Variants in SPAG6 observed in about 807,000 individuals in gnomAD.
SPAG6 encodes the protein sperm associated antigen 6.
Under a neutral mutation model 58.5 loss-of-function variants are expected in SPAG6, and 49 were observed. The ratio of observed to expected loss-of-function variants is 0.84; its 90% CI spans 0.67 to 1.06. The LOEUF is 1.06. SPAG6 is among the 50% of genes least tolerant of loss of function. The probability of loss-of-function intolerance (pLI) is 0.00; values close to 1 mark genes in which losing one functional copy is unlikely to be tolerated. For missense variants in SPAG6, 560 were observed against 611.3 expected (o/e 0.92, Z 0.89); for synonymous variants, 233 against 225.6 (o/e 1.03, Z -0.29).
At chr10:22,355,444 A>G (rs997270087) in intron 2 of SPAG6, among the ~76,000 whole-genome samples, 6 of 152,186 alleles carry the variant, frequency 3.9e-5, no homozygotes, top group African/African-American at 1.2e-4. Context: ...CTCACAAACA[A>G]CTGAATCAAC....
chr10:22,411,838 A>ATTTTTTTTTT (rs1283503992), intron 10 of SPAG6, among the ~76,000 whole-genome samples: 2 of 132,712 alleles, frequency 1.5e-5, no homozygotes, highest in African/African-American at 6.9e-5. Context: ...AAACAACTGA[A>ATTTTTTTTTT]TCTTTTTTTT....
intron 4 of SPAG6, among the ~76,000 whole-genome samples, chr10:22,381,732 C>G (rs985646478): frequency 4.6e-5 from 7 of 152,184 alleles, no homozygotes; most frequent in Non-Finnish European, 1.0e-4. Context: ...GCATTCCTGT[C>G]TGCTCTCTTC....
intron 4 of SPAG6, among the ~76,000 whole-genome samples, chr10:22,385,573 A>G (rs2132078828): frequency 6.6e-6 from 1 of 152,302 alleles, no homozygotes; most frequent in Non-Finnish European, 1.5e-5. Flanking sequence ...CCTTCCATTA[A>G]TACTTGTTTA....
chr10:22,364,760 C>A, intron 2 of SPAG6, 93 bp from the exon 3 acceptor site: 1 of 839,864 alleles, frequency 1.2e-6, no homozygotes. Context: ...TGATTTTTTC[C>A]CTTTAATTTT....
At chr10:22,386,189 G>A (rs117151394) in intron 4 of SPAG6, among the ~76,000 whole-genome samples, 5,039 of 152,056 alleles carry the variant, frequency 0.033, 118 homozygotes, top group Middle Eastern at 0.061. Context: ...TCTCATTTTT[G>A]AAAGTATTTT....
At chr10:22,355,945 A>G (rs1836852699) in intron 2 of SPAG6, among the ~76,000 whole-genome samples, 1 of 152,246 alleles carries the variant, frequency 6.6e-6, no homozygotes, top group Non-Finnish European at 1.5e-5. Flanking sequence ...AGTAAAAATC[A>G]TCATATAAAT....
At chr10:22,364,115 A>T (rs1837125138) in intron 2 of SPAG6, among the ~76,000 whole-genome samples, 1 of 152,192 alleles carries the variant, frequency 6.6e-6, no homozygotes, top group Non-Finnish European at 1.5e-5. Context: ...TTATCAATGA[A>T]AAATGTATAA....
chr10:22,371,070 T>A (rs1349695475), intron 4 of SPAG6, among the ~76,000 whole-genome samples: 1 of 152,162 alleles, frequency 6.6e-6, no homozygotes, highest in African/African-American at 2.4e-5. Context: ...ATAATCTGGC[T>A]CCCACATGGA....
intron 10 of SPAG6, among the ~76,000 whole-genome samples, chr10:22,415,513 G>C (rs931212448): frequency 2.6e-5 from 4 of 152,118 alleles, no homozygotes; most frequent in African/African-American, 9.7e-5. Flanking sequence ...GAGGCTGTTA[G>C]GGGAGAAACA....
At chr10:22,378,271 C>T (rs1345960610) in intron 4 of SPAG6, among the ~76,000 whole-genome samples, 2 of 151,764 alleles carry the variant, frequency 1.3e-5, no homozygotes, top group East Asian at 3.9e-4. Flanking sequence ...ACTATGTTGG[C>T]CAGGTTAGTC....
At chr10:22,360,979 G>A in intron 2 of SPAG6, 1 of 662,878 alleles carries the variant, frequency 1.5e-6, no homozygotes, top group Non-Finnish European at 2.7e-6. Flanking sequence ...CTTGTAGTTA[G>A]AATAACAAAG....
At position 22,360,740 on chromosome 10, in the gene SPAG6, G is replaced by A. The variant is rs957367521; in HGVS notation, c.122-4113G>A. The A allele has an allele frequency of 5.1e-6, 7 of 1,368,012 alleles. No homozygotes were observed. The Admixed American group carries it at 1.1e-4, about 21-fold the overall frequency. The allele number at this position is 1,368,012 out of a possible 1,614,324, so 84.7% of individuals were successfully genotyped here. A position where few individuals can be genotyped will look rare whatever the true frequency, so the allele number is the denominator to read the frequency against. On this transcript the variant is annotated intron_variant, in intron 2 of 10. Coordinates refer to ENST00000376624, the MANE Select transcript of SPAG6 (RefSeq NM_012443.4). Reference sequence around the variant, plus strand: ...CCTTCAAGTGAGCCCCAGTGATGTCGTTTGCTCCTTACTAGAGGCCTTGTT... The same window carrying A: ...CCTTCAAGTGAGCCCCAGTGATGTCATTTGCTCCTTACTAGAGGCCTTGTT...
At chr10:22,347,741 A>G (rs1261956345) in intron 2 of SPAG6, among the ~76,000 whole-genome samples, 10 of 152,168 alleles carry the variant, frequency 6.6e-5, no homozygotes, top group African/African-American at 2.4e-4. Flanking sequence ...AAGATTCTAC[A>G]CTTATGGTCT....
intron 2 of SPAG6, among the ~76,000 whole-genome samples, chr10:22,352,677 C>T (rs1347391985): frequency 3.9e-5 from 6 of 152,156 alleles, no homozygotes; most frequent in Non-Finnish European, 8.8e-5. Context: ...GCCACCACGC[C>T]CAGCTAATTT....
At chr10:22,365,746 C>T (rs7900105) in intron 3 of SPAG6, among the ~76,000 whole-genome samples, 11 of 151,806 alleles carry the variant, frequency 7.2e-5, no homozygotes, top group South Asian at 2.1e-4. Context: ...ATTGAAAAAT[C>T]GACAAAGGAA....
At chr10:22,404,678 C>G (rs1834505681) in intron 9 of SPAG6, among the ~76,000 whole-genome samples, 1 of 133,640 alleles carries the variant, frequency 7.5e-6, no homozygotes, top group Non-Finnish European at 1.6e-5. Flanking sequence ...TGAAGAAAGT[C>G]ATTGGTAGCT....
At chr10:22,389,997 C>T (rs958741408) in intron 7 of SPAG6, among the ~76,000 whole-genome samples, 5 of 152,074 alleles carry the variant, frequency 3.3e-5, no homozygotes, top group East Asian at 1.9e-4. Context: ...ACAGTGTGTG[C>T]GGTGACCCTC....
At chr10:22,372,384 G>A (rs1384327312) in intron 4 of SPAG6, among the ~76,000 whole-genome samples, 2 of 152,166 alleles carry the variant, frequency 1.3e-5, no homozygotes, top group African/African-American at 4.8e-5. Context: ...TTTGGAAAGG[G>A]TGCCTGGAGA....
intron 7 of SPAG6, 143 bp from the exon 8 acceptor site, chr10:22,391,586 C>G: frequency 1.6e-6 from 1 of 628,122 alleles, no homozygotes; most frequent in Non-Finnish European, 2.7e-6. Flanking sequence ...AAATGACAGC[C>G]CCTGTGATGT....
Sources: allele counts gnomAD v4.1 joint callset (sites outside exome capture counted in the v4.1 genomes callset), GRCh38; gene constraint gnomAD v4.1.1; transcripts MANE v1.5; gene names NCBI Gene and HGNC (gene_info 2026-07-23, HGNC 2026-07-21).